Variants in MAN1C1 observed in about 807,000 individuals in gnomAD.
MAN1C1 encodes the protein mannosyl-oligosaccharide 1,2-alpha-mannosidase IC.
In MAN1C1, 49 loss-of-function variants were observed where a neutral mutation model predicts 71.5. That is an observed-to-expected ratio of 0.69 (90% CI 0.54 to 0.87). MAN1C1 has a LOEUF of 0.87. Ranked by LOEUF, MAN1C1 falls within the 40% of genes least tolerant of loss-of-function variation. The pLI, the probability that MAN1C1 is intolerant of heterozygous loss-of-function variation, is 0.00. For synonymous variants in MAN1C1, 352 were observed against 343.7 expected (o/e 1.02, Z -0.27); for missense variants, 743 against 835.0 (o/e 0.89, Z 1.36).
intron 5 of MAN1C1, among the ~76,000 whole-genome samples, chr1:25,754,392 G>A (rs1475749164): frequency 2.0e-5 from 3 of 152,186 alleles, no homozygotes; most frequent in Admixed American, 6.5e-5. Context: ...TTGCACCTTC[G>A]TGTTGGCCTC....
chr1:25,701,990 G>A (rs1020925090), intron 2 of MAN1C1, among the ~76,000 whole-genome samples: 1 of 152,152 alleles, frequency 6.6e-6, no homozygotes, highest in African/African-American at 2.4e-5. Flanking sequence ...AACCTGAGAG[G>A]CAGAGGTTGC....
chr1:25,750,645 C>T (rs2047201658), intron 4 of MAN1C1, among the ~76,000 whole-genome samples: 1 of 152,230 alleles, frequency 6.6e-6, no homozygotes, highest in Admixed American at 6.5e-5. Flanking sequence ...GGCCTCTCTC[C>T]ATCGAGCATA....
intron 11 of MAN1C1, among the ~76,000 whole-genome samples, chr1:25,783,315 C>T (rs78786214): frequency 1.1e-3 from 174 of 152,264 alleles, no homozygotes; most frequent in African/African-American, 3.9e-3. Context: ...TGGGCAGCAG[C>T]GGGGCACGTG....
chr1:25,777,868 G>A (rs1022890799), intron 8 of MAN1C1, among the ~76,000 whole-genome samples: 2 of 152,148 alleles, frequency 1.3e-5, no homozygotes, highest in African/African-American at 4.8e-5. Context: ...GGCTGTGTAA[G>A]AGACTTGCCC....
chr1:25,641,836 A>C (rs545626297), intron 1 of MAN1C1, among the ~76,000 whole-genome samples: 36 of 152,392 alleles, frequency 2.4e-4, no homozygotes, highest in African/African-American at 8.4e-4. Context: ...TCCAGAGTTA[A>C]GAGCAGACAC....
At chr1:25,626,916 CT>C (rs2045303363) in intron 1 of MAN1C1, among the ~76,000 whole-genome samples, 3 of 151,998 alleles carry the variant, frequency 2.0e-5, no homozygotes, top group African/African-American at 7.3e-5. Flanking sequence ...CAGTATTTTC[CT>C]TTTGATGAGT....
intron 7 of MAN1C1, among the ~76,000 whole-genome samples, chr1:25,768,331 T>C (rs1468908523): frequency 1.0e-4 from 3 of 29,028 alleles, no homozygotes; most frequent in Non-Finnish European, 1.3e-4. Flanking sequence ...ACATCCACAC[T>C]CCCCTCACAC....
intron 2 of MAN1C1, among the ~76,000 whole-genome samples, 182 bp downstream of exon 2, chr1:25,686,718 TAGGGGGA>T: frequency 6.6e-6 from 1 of 152,322 alleles, no homozygotes; most frequent in East Asian, 1.9e-4. Flanking sequence ...CTCCTAGATT[TAGGGGGA>T]ATCCTATATG....
At position 25,780,938 on chromosome 1, in the gene MAN1C1, A is replaced by G; in HGVS notation, c.1478-2A>G. On this transcript the variant is annotated splice_acceptor_variant, in intron 9 of 11. Transcript: ENST00000374332. LOFTEE classifies it high-confidence loss of function. ...GGGCCCTCTGCTTGGCTGTTTCCCCAGACACCAAACTTGGGCCTGAGGCCT... is the reference window on the plus strand; with the variant it reads ...GGGCCCTCTGCTTGGCTGTTTCCCCGGACACCAAACTTGGGCCTGAGGCCT... The G allele has an allele frequency of 6.2e-7, 1 of 1,613,586 alleles. No homozygotes were observed. Among genetic ancestry groups the G allele is most frequent in the East Asian group, 2.2e-5 (1 of 44,878 alleles).
At chr1:25,687,081 G>T (rs1021848177) in intron 2 of MAN1C1, among the ~76,000 whole-genome samples, 1 of 152,106 alleles carries the variant, frequency 6.6e-6, no homozygotes, top group Non-Finnish European at 1.5e-5. Flanking sequence ...TTCAGGTCCG[G>T]CCTGGGCAGC....
intron 5 of MAN1C1, among the ~76,000 whole-genome samples, chr1:25,756,091 A>G (rs1370508009): frequency 6.6e-6 from 1 of 152,242 alleles, no homozygotes; most frequent in African/African-American, 2.4e-5. Context: ...AATAAGAACC[A>G]CCAGAACCAC....
intron 2 of MAN1C1, among the ~76,000 whole-genome samples, chr1:25,729,271 T>TC (rs2046876318): frequency 1.3e-5 from 2 of 152,226 alleles, no homozygotes; most frequent in South Asian, 2.1e-4. Context: ...GCCTGGAATG[T>TC]CCCCCCTGTT....
At chr1:25,687,125 G>C (rs1195021440) in intron 2 of MAN1C1, among the ~76,000 whole-genome samples, 1 of 152,152 alleles carries the variant, frequency 6.6e-6, no homozygotes, top group Non-Finnish European at 1.5e-5. Context: ...GACAACAGCA[G>C]CAAAAACAAA....
rs1235407966 is a variant in MAN1C1, at chr1:25,753,472, C to A, written c.835-12C>A. 1.2e-6 allele frequency: 2 copies of A among 1,606,882 alleles called. No individual in the cohort carries two copies. ...CCTGGAGTCAAAAGCCCTTTGATCC[C>A]CTCCTTTACAGGTGTTCCGAATAAA... On this transcript the variant is annotated splice_polypyrimidine_tract_variant and intron_variant, in intron 4 of 11. Transcript: ENST00000374332. The surrounding 1 kb of genome is among the most constrained non-coding windows in gnomAD (Gnocchi z 4.9).
intron 2 of MAN1C1, among the ~76,000 whole-genome samples, chr1:25,703,552 A>G (rs1018733861): frequency 6.6e-6 from 1 of 152,144 alleles, no homozygotes; most frequent in African/African-American, 2.4e-5. Context: ...GTGGTGGTGC[A>G]TGTCCGTAAT....
At chr1:25,732,102 C>T (rs1180935861) in intron 2 of MAN1C1, among the ~76,000 whole-genome samples, 1 of 152,074 alleles carries the variant, frequency 6.6e-6, no homozygotes, top group Non-Finnish European at 1.5e-5. Context: ...TCGAGGGCAT[C>T]TGGGGGGGCT....
intron 2 of MAN1C1, among the ~76,000 whole-genome samples, chr1:25,740,049 T>C (rs1572186328): frequency 6.6e-6 from 1 of 152,064 alleles, no homozygotes; most frequent in South Asian, 2.1e-4. Context: ...AAGGTGGCGG[T>C]GAACCGAGTT....
At chr1:25,686,717 T>A (rs1265418447) in intron 2 of MAN1C1, among the ~76,000 whole-genome samples, 181 bp downstream of exon 2, 1 of 152,184 alleles carries the variant, frequency 6.6e-6, no homozygotes, top group Non-Finnish European at 1.5e-5. Context: ...CCTCCTAGAT[T>A]TAGGGGGAAT....
chr1:25,719,439 A>G (rs1275629545), intron 2 of MAN1C1, among the ~76,000 whole-genome samples: 2 of 144,764 alleles, frequency 1.4e-5, no homozygotes, highest in Admixed American at 1.4e-4. Context: ...TTATTTATTT[A>G]TTTATTGAGA....
Sources: allele counts gnomAD v4.1 joint callset (sites outside exome capture counted in the v4.1 genomes callset), GRCh38; gene constraint gnomAD v4.1.1; non-coding constraint Gnocchi (gnomAD v3.1); transcripts MANE v1.5; gene names NCBI Gene and HGNC (gene_info 2026-07-23, HGNC 2026-07-21).